MTCL3: variants seen among roughly 807,000 people sequenced by gnomAD.
MTCL3 encodes microtubule cross-linking factor 3.
chr6:127,492,307 A>G, the MTCL3 span, among the ~76,000 whole-genome samples: 45,494 of 134,054 alleles, frequency 0.34, 7,528 homozygotes, highest in Non-Finnish European at 0.4. Context: ...TCTACCAAAC[A>G]TTCTTCACCC....
the MTCL3 span, among the ~76,000 whole-genome samples, chr6:127,492,696 A>AT: frequency 4.9e-3 from 749 of 151,784 alleles, 5 homozygotes; most frequent in African/African-American, 0.017. Flanking sequence ...AATTTTTTGT[A>AT]TTTTTTTAGC....
the MTCL3 span, among the ~76,000 whole-genome samples, chr6:127,510,369 C>G: frequency 1.3e-5 from 2 of 152,038 alleles, no homozygotes; most frequent in African/African-American, 2.4e-5. Flanking sequence ...AGAGTGTGAG[C>G]AAAAGAATCA....
the MTCL3 span, chr6:127,515,086 C>T: frequency 6.4e-7 from 1 of 1,563,418 alleles, no homozygotes; most frequent in South Asian, 1.1e-5. The surrounding 1 kb of genome is among the most constrained non-coding windows in gnomAD (Gnocchi z 4.3). Flanking sequence ...ATCAAACTCG[C>T]TTCCAGCCCT....
chr6:127,516,029 A>G, the MTCL3 span: 1 of 1,576,502 alleles, frequency 6.3e-7, no homozygotes. Flanking sequence ...TTCCCTCGCC[A>G]GCCCCTGGGC....
At chr6:127,504,625 G>A in the MTCL3 span, among the ~76,000 whole-genome samples, 3 of 152,224 alleles carry the variant, frequency 2.0e-5, no homozygotes, top group East Asian at 5.8e-4. Flanking sequence ...GACTATTTAA[G>A]TTACAACTGT....
At chr6:127,505,737 GA>G in the MTCL3 span, among the ~76,000 whole-genome samples, 10 of 152,056 alleles carry the variant, frequency 6.6e-5, no homozygotes, top group Non-Finnish European at 1.3e-4. Context: ...TGTGTATCTG[GA>G]AAAAAACTTT....
the MTCL3 span, among the ~76,000 whole-genome samples, chr6:127,507,397 TA>T: frequency 1.8e-4 from 28 of 152,280 alleles, no homozygotes; most frequent in African/African-American, 5.8e-4. Flanking sequence ...AAAAGCTCAT[TA>T]TATTGCACAA....
chr6:127,493,649 G>A, the MTCL3 span, among the ~76,000 whole-genome samples: 1 of 152,096 alleles, frequency 6.6e-6, no homozygotes, highest in Non-Finnish European at 1.5e-5. Flanking sequence ...ATAAGGCCAG[G>A]TACCGTTCCT....
the MTCL3 span, among the ~76,000 whole-genome samples, chr6:127,507,871 G>GAA: frequency 0.051 from 5,709 of 110,936 alleles, 232 homozygotes; most frequent in East Asian, 0.12. Flanking sequence ...AAAAAAAAAA[G>GAA]AAAAAAAATG....
the MTCL3 span, among the ~76,000 whole-genome samples, chr6:127,478,900 C>T: frequency 6.6e-6 from 1 of 151,398 alleles, no homozygotes; most frequent in Non-Finnish European, 1.5e-5. Context: ...GCCTGTAGTC[C>T]CAGCTGCTCG....
the MTCL3 span, chr6:127,481,545 T>A: frequency 1.2e-6 from 1 of 857,604 alleles, no homozygotes; most frequent in Non-Finnish European, 1.4e-6. Flanking sequence ...ATAGTTAATA[T>A]GTTATGCTTT....
At chr6:127,516,274 G>A in the MTCL3 span, 15 of 1,499,042 alleles carry the variant, frequency 1.0e-5, no homozygotes, top group South Asian at 7.8e-5. Context: ...AGCTCCCGGA[G>A]CGGCCCCTTT....
chr6:127,493,520 T>C, the MTCL3 span, among the ~76,000 whole-genome samples: 1 of 152,186 alleles, frequency 6.6e-6, no homozygotes, highest in African/African-American at 2.4e-5. Context: ...GAGGCACATG[T>C]CAGAGGTGAG....
the MTCL3 span, among the ~76,000 whole-genome samples, chr6:127,493,071 G>A: frequency 6.6e-6 from 1 of 152,060 alleles, no homozygotes; most frequent in Admixed American, 6.6e-5. Context: ...TCTTCACAAT[G>A]CCTTTATCTA....
At chr6:127,483,471 C>T in the MTCL3 span, among the ~76,000 whole-genome samples, 2 of 152,100 alleles carry the variant, frequency 1.3e-5, no homozygotes, top group Admixed American at 1.3e-4. Context: ...TGCTCCTCCT[C>T]GACACGTGCA....
the MTCL3 span, among the ~76,000 whole-genome samples, chr6:127,503,274 G>A: frequency 6.6e-6 from 1 of 152,138 alleles, no homozygotes; most frequent in Non-Finnish European, 1.5e-5. Flanking sequence ...ACCTCTCTGA[G>A]CCTTAGAGTC....
the MTCL3 span, among the ~76,000 whole-genome samples, chr6:127,488,448 T>A: frequency 6.6e-6 from 1 of 152,222 alleles, no homozygotes. Flanking sequence ...GCTCCTAGAA[T>A]TGGTCTCTGT....
the MTCL3 span, among the ~76,000 whole-genome samples, chr6:127,488,356 T>C: frequency 6.6e-6 from 1 of 152,202 alleles, no homozygotes; most frequent in Non-Finnish European, 1.5e-5. Flanking sequence ...CCATAGCTCC[T>C]CTAATCTCAC....
chr6:127,502,196 C>T, the MTCL3 span, among the ~76,000 whole-genome samples: 1 of 152,132 alleles, frequency 6.6e-6, no homozygotes, highest in African/African-American at 2.4e-5. Flanking sequence ...GCTGTGGAGT[C>T]AATAAAAACT....
Sources: gnomAD v4.1 joint callset for allele counts (sites outside exome capture counted in the v4.1 genomes callset) on GRCh38, gnomAD v4.1.1 for gene constraint, Gnocchi (gnomAD v3.1) non-coding constraint, MANE v1.5 for transcripts, NCBI Gene and HGNC (gene_info 2026-07-23, HGNC 2026-07-21) for gene names.